The following FAM193A variants were observed in gnomAD, a reference collection of about 807,000 sequenced individuals.
FAM193A encodes the protein family with sequence similarity 193 member A.
Under a neutral mutation model 126.5 loss-of-function variants are expected in FAM193A, and 22 were observed. That is an observed-to-expected ratio of 0.17 (90% CI 0.12 to 0.25). FAM193A has a LOEUF of 0.25. Ranked by LOEUF, FAM193A falls within the 10% of genes least tolerant of loss-of-function variation. The pLI is 1.00. For synonymous variants in FAM193A, 761 were observed against 646.8 expected (o/e 1.18, Z -2.68); for missense variants, 1,675 against 1,672.8 (o/e 1.00, Z -0.02).
intron 1 of FAM193A, among the ~76,000 whole-genome samples, chr4:2,595,712 G>T (rs1327310867): frequency 2.0e-5 from 3 of 152,174 alleles, no homozygotes; most frequent in African/African-American, 7.2e-5. Context: ...TTGAATCTGA[G>T]CCCTGGTGTG....
chr4:2,722,324 C>A (rs1720257083), intron 20 of FAM193A, among the ~76,000 whole-genome samples: 1 of 152,180 alleles, frequency 6.6e-6, no homozygotes, highest in African/African-American at 2.4e-5. Context: ...AGCCAGGTCA[C>A]ACTGGGCCTG....
At chr4:2,633,851 C>T (rs528680424) in intron 5 of FAM193A, among the ~76,000 whole-genome samples, 16 of 152,160 alleles carry the variant, frequency 1.1e-4, no homozygotes, top group Admixed American at 2.0e-4. Context: ...CGAGATGGGG[C>T]CGCTGCACTC....
intron 6 of FAM193A, among the ~76,000 whole-genome samples, chr4:2,641,244 A>G (rs1744592388): frequency 6.6e-6 from 1 of 150,684 alleles, no homozygotes; most frequent in Non-Finnish European, 1.5e-5. Flanking sequence ...ACGGGGTTTC[A>G]CCATGTTGGC....
At chr4:2,628,101 GCCTTGAACTCCTGA>G (rs1331462322) in intron 4 of FAM193A, among the ~76,000 whole-genome samples, 1 of 151,938 alleles carries the variant, frequency 6.6e-6, no homozygotes, top group Non-Finnish European at 1.5e-5. Flanking sequence ...GGCCAGGCTG[GCCTTGAACTCCTGA>G]CCTTGTGATC....
At chr4:2,611,233 C>T (rs1275969919) in intron 2 of FAM193A, among the ~76,000 whole-genome samples, 1 of 151,850 alleles carries the variant, frequency 6.6e-6, no homozygotes, top group Non-Finnish European at 1.5e-5. Context: ...GTAGTGTTAT[C>T]CTTCATTATG....
chr4:2,693,448 T>C, intron 15 of FAM193A, 138 bp from the exon 16 acceptor site: 1 of 844,520 alleles, frequency 1.2e-6, no homozygotes, highest in Non-Finnish European at 1.9e-6. Context: ...AGTTTATAAA[T>C]ATGACAGAAT....
chr4:2,539,330 A>G (rs1220437342), intron 1 of FAM193A, among the ~76,000 whole-genome samples: 2 of 152,164 alleles, frequency 1.3e-5, no homozygotes, highest in African/African-American at 4.8e-5. Flanking sequence ...TAGTTTTACT[A>G]ATTACTAAGG....
At chr4:2,542,714 T>G (rs1473860870) in intron 1 of FAM193A, among the ~76,000 whole-genome samples, 1 of 152,098 alleles carries the variant, frequency 6.6e-6, no homozygotes, top group Non-Finnish European at 1.5e-5. Flanking sequence ...CCAGGGAGGC[T>G]TTCTGAGTCC....
rs35220520 is a variant in FAM193A, at chr4:2,625,719, C to CTT, written c.635+348_635+349dup. On this transcript the variant is annotated intron_variant, in intron 3 of 20. Coordinates refer to ENST00000637812, the MANE Select transcript of FAM193A (RefSeq NM_001366318.2). ...CTGAGGGGAGAGCCCTGGAGCTCAT[C>CTT]TTTTTTTTTTTTTTTTTTTTTTTTT... 4.4e-3 allele frequency among the ~76,000 whole-genome samples: 349 copies of CTT among 79,280 alleles called. 3 individuals carry two copies. The highest frequency in any genetic ancestry group is 0.012 in the African/African-American group (202 of 16,256). The allele number at this position is 79,280 out of a possible 152,430, so 52.0% of individuals were successfully genotyped here. A position where few individuals can be genotyped will look rare whatever the true frequency, so the allele number is the denominator to read the frequency against.
chr4:2,563,645 A>G lies in FAM193A; in HGVS notation c.255+26475A>G, dbSNP rs115981676. On this transcript the variant is annotated intron_variant, in intron 1 of 20. Coordinates refer to ENST00000637812, the MANE Select transcript of FAM193A (RefSeq NM_001366318.2). ...AACAAGGACATTTATGGCAGAACCA[A>G]CACTTCCACTTTCTGTGCAAGCTCT... Among the ~76,000 whole-genome samples, 457 of 152,332 alleles carry G rather than the reference A, an allele frequency of 3.0e-3. 1 individual carries two copies. The highest frequency in any genetic ancestry group is 0.011 in the African/African-American group (443 of 41,574).
chr4:2,677,360 G>T (rs1161554628), intron 13 of FAM193A, among the ~76,000 whole-genome samples: 1 of 152,142 alleles, frequency 6.6e-6, no homozygotes, highest in East Asian at 1.9e-4. Context: ...AGTAAGTTTT[G>T]AAATCAGGAA....
At chr4:2,552,779 C>T (rs549462936) in intron 1 of FAM193A, among the ~76,000 whole-genome samples, 84 of 149,982 alleles carry the variant, frequency 5.6e-4, no homozygotes, top group Non-Finnish European at 8.2e-4. Flanking sequence ...CCTCGGGATC[C>T]GCCTGCCTTG....
At chr4:2,715,983 C>A in intron 19 of FAM193A, 40 bp from the exon 20 acceptor site, 2 of 1,071,184 alleles carry the variant, frequency 1.9e-6, no homozygotes, top group South Asian at 1.2e-5. Context: ...AGATAGCCTG[C>A]TGCTGTAATT....
In FAM193A at chr4:2,721,693, G is replaced by A. The variant is rs145649600; in HGVS notation, c.4454+5589G>A. On this transcript the variant is annotated intron_variant, in intron 20 of 20. Coordinates refer to ENST00000637812, the MANE Select transcript of FAM193A (RefSeq NM_001366318.2). The stretch of plus-strand genomic sequence containing the variant: ...GACGGGAGTCCCTAACCACTGCTCC[G>A]GGGAGCATAACTGTTAAATTACTTT... Among the ~76,000 whole-genome samples the A allele has an allele frequency of 3.0e-4, 45 of 152,278 alleles. No homozygotes were observed. The East Asian group carries it at 3.9e-3, about 13-fold the overall frequency.
intron 6 of FAM193A, among the ~76,000 whole-genome samples, chr4:2,641,285 G>A (rs922788767): frequency 6.6e-6 from 1 of 151,658 alleles, no homozygotes; most frequent in African/African-American, 2.4e-5. Flanking sequence ...GACGTCAAGT[G>A]ATCCACCTGC....
rs1721471881 is a variant in FAM193A at position 2,732,135 on chromosome 4, G to T, written c.*267G>T. 2.0e-6 allele frequency: 1 copy of T among 489,636 alleles called. No homozygotes were observed. Among genetic ancestry groups the T allele is most frequent in the Admixed American group, 3.4e-5 (1 of 29,558 alleles). The allele number at this position is 489,636 out of a possible 1,614,324, so 30.3% of individuals were successfully genotyped here. On this transcript the variant is annotated 3_prime_UTR_variant, in exon 21 of 21. Transcript: ENST00000637812. ...CCCGCCAAGTCCTCCCACCACCGCGGCCTCGGAGGCCTGGGCCGTGGCCAG... is the reference window on the plus strand; with the variant it reads ...CCCGCCAAGTCCTCCCACCACCGCGTCCTCGGAGGCCTGGGCCGTGGCCAG...
intron 13 of FAM193A, among the ~76,000 whole-genome samples, chr4:2,679,296 G>A (rs998934592): frequency 1.3e-5 from 2 of 151,614 alleles, no homozygotes; most frequent in African/African-American, 2.4e-5. Flanking sequence ...TTAATATGCT[G>A]CTGAATTCAG....
chr4:2,605,942 G>A (rs1478812372), intron 2 of FAM193A, among the ~76,000 whole-genome samples: 2 of 102,132 alleles, frequency 2.0e-5, no homozygotes, highest in Non-Finnish European at 3.5e-5. Context: ...CTGCACTCCA[G>A]CCTAGGCGAC....
chr4:2,628,825 A>G (rs1042932125), intron 4 of FAM193A, among the ~76,000 whole-genome samples: 2 of 149,412 alleles, frequency 1.3e-5, no homozygotes, highest in Non-Finnish European at 3.0e-5. Flanking sequence ...TGAGCTTCCT[A>G]GCTTCTTCAG....
Sources: allele counts gnomAD v4.1 joint callset (sites outside exome capture counted in the v4.1 genomes callset), GRCh38; gene constraint gnomAD v4.1.1; transcripts MANE v1.5; gene names NCBI Gene and HGNC (gene_info 2026-07-23, HGNC 2026-07-21).